The following RSRC1 variants were observed in gnomAD, a reference collection of about 807,000 sequenced individuals.
The protein encoded by RSRC1 is serine/Arginine-related protein 53.
A neutral mutation model predicts 49.1 loss-of-function variants in RSRC1; 39 were observed. The ratio of observed to expected loss-of-function variants is 0.79; its 90% CI spans 0.61 to 1.04. The LOEUF is 1.04. Among genes scored for constraint, RSRC1 ranks in the 50% least tolerant of loss-of-function variants. The pLI, the probability that RSRC1 is intolerant of heterozygous loss-of-function variation, is 0.00. For missense variants in RSRC1, 388 were observed against 402.4 expected (o/e 0.96, Z 0.31); for synonymous variants, 143 against 130.8 (o/e 1.09, Z -0.63).
intron 6 of RSRC1, among the ~76,000 whole-genome samples, chr3:158,390,119 G>C (rs1733189495): frequency 6.6e-6 from 1 of 152,192 alleles, no homozygotes; most frequent in South Asian, 2.1e-4. Flanking sequence ...CAGAAACAGA[G>C]AGAATTCCCT....
chr3:158,481,319 C>T (rs965878205), intron 7 of RSRC1, among the ~76,000 whole-genome samples: 7 of 152,118 alleles, frequency 4.6e-5, no homozygotes, highest in Non-Finnish European at 8.8e-5. Flanking sequence ...TTACCCTGTA[C>T]TGTTCTGTTC....
chr3:158,270,461 A>T (rs1483911227), intron 4 of RSRC1, among the ~76,000 whole-genome samples: 1 of 152,172 alleles, frequency 6.6e-6, no homozygotes, highest in Non-Finnish European at 1.5e-5. Context: ...TTGTGTTTGT[A>T]GGGTTCTTTA....
At chr3:158,267,816 T>C (rs1226267077) in intron 4 of RSRC1, among the ~76,000 whole-genome samples, 2 of 151,582 alleles carry the variant, frequency 1.3e-5, no homozygotes, top group Non-Finnish European at 2.9e-5. Flanking sequence ...GGTTCACTAA[T>C]AGTTTTGATT....
intron 4 of RSRC1, among the ~76,000 whole-genome samples, chr3:158,290,713 G>A (rs1169066140): frequency 6.6e-6 from 1 of 152,118 alleles, no homozygotes; most frequent in Non-Finnish European, 1.5e-5. Context: ...AATAATGTAT[G>A]TAGTCAGGCT....
At chr3:158,364,669 G>C (rs1731658158) in intron 6 of RSRC1, among the ~76,000 whole-genome samples, 1 of 151,984 alleles carries the variant, frequency 6.6e-6, no homozygotes, top group Admixed American at 6.6e-5. Flanking sequence ...AATGTTAGCA[G>C]TAAGTATGAA....
intron 5 of RSRC1, among the ~76,000 whole-genome samples, chr3:158,346,835 A>G (rs1207062187): frequency 1.3e-5 from 2 of 152,258 alleles, no homozygotes; most frequent in Non-Finnish European, 2.9e-5. Flanking sequence ...AGCACCTTTT[A>G]TAATAGCAAA....
chr3:158,481,402 A>G (rs1738611199), intron 7 of RSRC1, among the ~76,000 whole-genome samples: 1 of 152,044 alleles, frequency 6.6e-6, no homozygotes, highest in Admixed American at 6.6e-5. Context: ...GTGTTCTCTT[A>G]TCTGAAAAAT....
At chr3:158,155,364 A>C (rs1367892532) in intron 3 of RSRC1, among the ~76,000 whole-genome samples, 3 of 152,204 alleles carry the variant, frequency 2.0e-5, no homozygotes, top group Non-Finnish European at 4.4e-5. Context: ...ACATGGAAAC[A>C]ATATTAATCT....
At chr3:158,330,040 A>G (rs827189) in intron 5 of RSRC1, among the ~76,000 whole-genome samples, 139,293 of 152,274 alleles carry the variant, frequency 0.91, 63,840 homozygotes, top group East Asian at 1. Flanking sequence ...AGCCAGGCGC[A>G]GGATATTATC....
chr3:158,216,323 A>G (rs1020429709), intron 4 of RSRC1, among the ~76,000 whole-genome samples: 2 of 151,194 alleles, frequency 1.3e-5, no homozygotes, highest in African/African-American at 2.4e-5. Context: ...AAAAAAATCT[A>G]TTATGTCTAA....
intron 3 of RSRC1, among the ~76,000 whole-genome samples, chr3:158,141,680 C>A (rs1334226507): frequency 1.3e-5 from 2 of 152,054 alleles, no homozygotes; most frequent in Non-Finnish European, 2.9e-5. Flanking sequence ...TAGAGAAATA[C>A]CATTGGTAGC....
chr3:158,112,367 T>C (rs1055006979), intron 1 of RSRC1, among the ~76,000 whole-genome samples: 1 of 152,242 alleles, frequency 6.6e-6, no homozygotes, highest in Non-Finnish European at 1.5e-5. Context: ...GATGATATTA[T>C]GGAAATCCAG....
At chr3:158,133,013 G>A (rs1324766290) in intron 3 of RSRC1, among the ~76,000 whole-genome samples, 1 of 152,158 alleles carries the variant, frequency 6.6e-6, no homozygotes, top group Non-Finnish European at 1.5e-5. Context: ...GAAACTAGAA[G>A]ATGAAGTAAG....
intron 5 of RSRC1, among the ~76,000 whole-genome samples, chr3:158,328,440 A>G (rs1315487783): frequency 1.3e-5 from 2 of 150,774 alleles, no homozygotes; most frequent in African/African-American, 4.9e-5. Context: ...GGTGACAAAA[A>G]TCTCTCAGCA....
At chr3:158,365,187 A>G (rs1195211635) in intron 6 of RSRC1, among the ~76,000 whole-genome samples, 1 of 152,182 alleles carries the variant, frequency 6.6e-6, no homozygotes, top group African/African-American at 2.4e-5. Flanking sequence ...TCTGGGATAC[A>G]TGTGCCGAAC....
intron 7 of RSRC1, among the ~76,000 whole-genome samples, chr3:158,483,480 A>G (rs887854627): frequency 4.6e-5 from 7 of 152,074 alleles, no homozygotes; most frequent in Admixed American, 3.9e-4. Context: ...TGCATTAGCA[A>G]AGAATAGAGA....
At chr3:158,289,467 A>G (rs140564323) in intron 4 of RSRC1, among the ~76,000 whole-genome samples, 1 of 152,350 alleles carries the variant, frequency 6.6e-6, no homozygotes, top group African/African-American at 2.4e-5. Context: ...TTAAAAAGAT[A>G]ACAAAACACT....
chr3:158,354,077 A>G (rs1578378231), intron 5 of RSRC1, among the ~76,000 whole-genome samples: 1 of 139,190 alleles, frequency 7.2e-6, no homozygotes, highest in Non-Finnish European at 1.5e-5. Flanking sequence ...GCTCACTGCA[A>G]CCTCCCAGGT....
intron 7 of RSRC1, among the ~76,000 whole-genome samples, chr3:158,479,825 G>A (rs62289516): frequency 0.084 from 12,791 of 151,852 alleles, 599 homozygotes; most frequent in South Asian, 0.15. Context: ...CCTTAACATT[G>A]GCCTAATTAC....
Sources: allele counts gnomAD v4.1 joint callset (sites outside exome capture counted in the v4.1 genomes callset), GRCh38; gene constraint gnomAD v4.1.1; transcripts MANE v1.5; gene names NCBI Gene and HGNC (gene_info 2026-07-23, HGNC 2026-07-21).